SLC25A28: variants seen among roughly 807,000 people sequenced by gnomAD.
The protein encoded by SLC25A28 is mitoferrin-2.
Under a neutral mutation model 31.9 loss-of-function variants are expected in SLC25A28, and 10 were observed. The observed-to-expected ratio is 0.31, with a 90% CI of 0.19 to 0.53. SLC25A28 has a LOEUF of 0.53. SLC25A28 is among the 20% of genes least tolerant of loss of function. The pLI is 0.95. For missense variants in SLC25A28, 256 were observed against 490.3 expected, an observed-to-expected ratio of 0.52 and a Z score of 4.51; for synonymous variants, 208 against 203.6, an observed-to-expected ratio of 1.02 and a Z score of -0.19.
At chr10:99,618,919 A>C in intron 1 of SLC25A28, 1 of 985,440 alleles carries the variant, frequency 1.0e-6, no homozygotes, top group Non-Finnish European at 1.2e-6. Context: ...AAGAGAAAAC[A>C]TACATCAAAA....
chr10:99,619,187 C>A (rs1244149745), intron 1 of SLC25A28: 2 of 985,338 alleles, frequency 2.0e-6, no homozygotes, highest in Non-Finnish European at 2.4e-6. Context: ...ATTAGTTTTA[C>A]TTTCACAAGA....
the SLC25A28 span, among the ~76,000 whole-genome samples, chr10:99,648,719 T>C: frequency 4.0e-5 from 5 of 123,540 alleles, no homozygotes; most frequent in South Asian, 1.2e-3. Flanking sequence ...CTATTGTAAA[T>C]AGGATTGCCT....
chr10:99,612,342 C>T (rs141801492), intron 3 of SLC25A28, among the ~76,000 whole-genome samples: 2 of 152,254 alleles, frequency 1.3e-5, no homozygotes, highest in Non-Finnish European at 2.9e-5. Flanking sequence ...TAGGGAAGCC[C>T]CAGGGATTAG....
At chr10:99,648,140 A>C in the SLC25A28 span, among the ~76,000 whole-genome samples, 1 of 148,956 alleles carries the variant, frequency 6.7e-6, no homozygotes, top group African/African-American at 2.5e-5. Context: ...CTGGGATTAC[A>C]GGTGTGCACC....
At chr10:99,614,737 T>C (rs2034608892) in intron 1 of SLC25A28, among the ~76,000 whole-genome samples, 3 of 152,202 alleles carry the variant, frequency 2.0e-5, no homozygotes, top group African/African-American at 4.8e-5. Context: ...TTTGGGAAAT[T>C]AATCTTATTC....
At chr10:99,616,157 A>C in intron 1 of SLC25A28, 1 of 985,358 alleles carries the variant, frequency 1.0e-6, no homozygotes, top group Non-Finnish European at 1.2e-6. Flanking sequence ...AATGTGAAAA[A>C]CTTCTACCTG....
chr10:99,617,906 G>T, intron 1 of SLC25A28: 1 of 518,498 alleles, frequency 1.9e-6, no homozygotes, highest in Non-Finnish European at 2.5e-6. Flanking sequence ...GGCTACAATT[G>T]ACTTATTCCA....
At chr10:99,617,584 G>T (rs2034688235) in intron 1 of SLC25A28, 2 of 985,290 alleles carry the variant, frequency 2.0e-6, no homozygotes, top group African/African-American at 3.5e-5. Flanking sequence ...TGAAGGAAGA[G>T]ATTTGAATTT....
At chr10:99,612,628 T>G (rs752313499) in intron 2 of SLC25A28, 29 bp from the exon 3 acceptor site, 9 of 1,613,972 alleles carry the variant, frequency 5.6e-6, no homozygotes, top group Non-Finnish European at 6.8e-6. Context: ...CTGCCACATG[T>G]AAGGCCAAGA....
chr10:99,633,749 T>G, the SLC25A28 span, among the ~76,000 whole-genome samples: 5 of 151,402 alleles, frequency 3.3e-5, no homozygotes, highest in African/African-American at 1.2e-4. Context: ...GGCATAAACT[T>G]GGGAGTTCTA....
chr10:99,623,829 T>C (rs1285919795), upstream of SLC25A28, among the ~76,000 whole-genome samples: 3 of 152,184 alleles, frequency 2.0e-5, no homozygotes, highest in African/African-American at 7.2e-5. Context: ...TCCCTACTTG[T>C]TACCTGCTTG....
At chr10:99,618,811 A>G (rs1222828799) in intron 1 of SLC25A28, 1 of 985,316 alleles carries the variant, frequency 1.0e-6, no homozygotes, top group Non-Finnish European at 1.2e-6. Context: ...GAAAAACATG[A>G]AACAGTACTG....
the SLC25A28 span, among the ~76,000 whole-genome samples, chr10:99,633,125 C>G: frequency 6.6e-6 from 1 of 151,982 alleles, no homozygotes; most frequent in African/African-American, 2.4e-5. Flanking sequence ...CAAACATGGA[C>G]ACAACATTTT....
the SLC25A28 span, among the ~76,000 whole-genome samples, chr10:99,633,151 A>G: frequency 1.3e-5 from 2 of 152,066 alleles, no homozygotes; most frequent in Non-Finnish European, 2.9e-5. Flanking sequence ...AAAAAAAAAA[A>G]GTTGGCCTCA....
chr10:99,633,229 T>G, the SLC25A28 span, among the ~76,000 whole-genome samples: 1 of 152,198 alleles, frequency 6.6e-6, no homozygotes, highest in East Asian at 1.9e-4. Flanking sequence ...CCAGGTCCTA[T>G]TCCAATTTCT....
the SLC25A28 span, chr10:99,652,359 C>A: frequency 1.3e-5 from 2 of 152,378 alleles, no homozygotes; most frequent in Non-Finnish European, 2.9e-5. Flanking sequence ...TAAGAGAAAG[C>A]AGGGGGGCCT....
At chr10:99,644,722 C>T in the SLC25A28 span, among the ~76,000 whole-genome samples, 2 of 152,118 alleles carry the variant, frequency 1.3e-5, no homozygotes, top group Admixed American at 1.3e-4. Flanking sequence ...TTAGTGCTGC[C>T]TTCAGGAGCT....
the SLC25A28 span, among the ~76,000 whole-genome samples, chr10:99,640,719 C>T: frequency 2.2e-4 from 34 of 151,696 alleles, no homozygotes; most frequent in Admixed American, 1.3e-4. Flanking sequence ...TCCCCGCTCC[C>T]GCCACCTCAT....
chr10:99,614,026 G>A (rs1208979199), intron 1 of SLC25A28, 102 bp from the exon 2 acceptor site: 20 of 1,352,006 alleles, frequency 1.5e-5, no homozygotes, highest in Non-Finnish European at 2.0e-5. Context: ...GCCAATCTGT[G>A]AGAGGGATAT....
Sources: allele counts gnomAD v4.1 joint callset (sites outside exome capture counted in the v4.1 genomes callset), GRCh38; gene constraint gnomAD v4.1.1; transcripts MANE v1.5; gene names NCBI Gene and HGNC (gene_info 2026-07-23, HGNC 2026-07-21).